The following TBC1D4 variants were observed in gnomAD, a reference collection of about 807,000 sequenced individuals.
TBC1D4 encodes the protein TBC1 domain family member 4, also known as TBC (Tre-2, BUB2, CDC16) domain-containing protein.
In TBC1D4, 121 loss-of-function variants were observed where a neutral mutation model predicts 142.5. That is an observed-to-expected ratio of 0.85 (90% CI 0.73 to 0.99). The LOEUF is 0.99. TBC1D4 is among the 50% of genes least tolerant of loss of function. The pLI is 0.00. For synonymous variants in TBC1D4, 630 were observed against 628.2 expected, an observed-to-expected ratio of 1.00 and a Z score of -0.04; for missense variants, 1,475 against 1,606.6, an observed-to-expected ratio of 0.92 and a Z score of 1.40.
rs866481287 is a variant in TBC1D4 at position 75,299,355 on chromosome 13, T to C, written c.3131A>G (p.Tyr1044Cys). The change falls in exon 17 of 21, where the codon TAC becomes TGC. Residue 1044 changes from tyrosine to cysteine, a missense_variant. Tyr to Cys is a radical substitution (Grantham distance 194). Coordinates refer to ENST00000377636, the MANE Select transcript of TBC1D4 (RefSeq NM_014832.5). ...CTGCAGCGACATCATGTCAGGTCTG[T>C]ACTGCTTGCGGAAGCCGAGGTCATA... ...LMYDLGFRKQ[Y>C]RPDMMSLQIQ... 3.1e-6 allele frequency: 5 copies of C among 1,614,182 alleles called. No individual in the cohort carries two copies. The Middle Eastern group carries it at 5.0e-4, about 160-fold the overall frequency.
At chr13:75,458,481 C>T (rs552760826) in intron 1 of TBC1D4, among the ~76,000 whole-genome samples, 12 of 152,196 alleles carry the variant, frequency 7.9e-5, no homozygotes, top group Non-Finnish European at 1.2e-4. Flanking sequence ...AACATGTGGG[C>T]GCAAAAACAG....
chr13:75,385,453 T>C (rs183395183), intron 1 of TBC1D4, among the ~76,000 whole-genome samples: 1 of 152,308 alleles, frequency 6.6e-6, no homozygotes, highest in East Asian at 1.9e-4. Context: ...CCTAGAGTGT[T>C]TTCATATGAG....
chr13:75,295,949 G>A (rs139612223), intron 17 of TBC1D4, among the ~76,000 whole-genome samples: 45 of 152,096 alleles, frequency 3.0e-4, no homozygotes, highest in Admixed American at 9.2e-4. Flanking sequence ...CTCTTAAATA[G>A]CTCTATGACA....
intron 1 of TBC1D4, among the ~76,000 whole-genome samples, chr13:75,460,009 G>A (rs1434604703): frequency 1.3e-5 from 2 of 152,082 alleles, no homozygotes; most frequent in Admixed American, 1.3e-4. Context: ...TGGGTGTGGT[G>A]GCAGGCAACT....
At chr13:75,307,748 A>T (rs1047980874) in intron 14 of TBC1D4, among the ~76,000 whole-genome samples, 1 of 152,246 alleles carries the variant, frequency 6.6e-6, no homozygotes, top group African/African-American at 2.4e-5. Context: ...TTAAAAGTCC[A>T]AACATAATCT....
At position 75,327,841 on chromosome 13, in the gene TBC1D4, T is replaced by A; in HGVS notation, c.1732-15A>T. On this transcript the variant is annotated splice_polypyrimidine_tract_variant and intron_variant, in intron 8 of 20. Transcript: ENST00000377636. ...CTGTTAGCTCCCTGAGTGAAAAGAA[T>A]AAAATTAAGTGCTTCGTGTGATTTA... 1 of 1,613,530 alleles carries A rather than the reference T, an allele frequency of 6.2e-7. No individual in the cohort carries two copies. The highest frequency in any genetic ancestry group is 1.7e-4 in the Middle Eastern group (1 of 6,056).
In TBC1D4 at chr13:75,481,531, G is replaced by T. The variant is rs1566523272; in HGVS notation, c.237C>A (p.Ala79=). The part of the protein sequence containing the change: ...PEAGGCGAPA[A]REVILVLSAP... ...CGCTGAGCACCAGGATCACCTCTCG[G>T]GCCGCCGGCGCCCCGCAGCCGCCCG... The change falls in exon 1 of 21, where the codon GCC becomes GCA. Residue 79 remains alanine, a synonymous_variant. Coordinates refer to ENST00000377636, the MANE Select transcript of TBC1D4 (RefSeq NM_014832.5). The T allele has an allele frequency of 2.5e-6, 4 of 1,604,266 alleles. No homozygotes were observed. The highest frequency in any genetic ancestry group is 1.7e-5 in the Admixed American group (1 of 58,818).
intron 1 of TBC1D4, among the ~76,000 whole-genome samples, chr13:75,431,941 G>T (rs1338208023): frequency 2.0e-5 from 3 of 152,204 alleles, no homozygotes; most frequent in Non-Finnish European, 4.4e-5. Flanking sequence ...TAAGGGTTAA[G>T]AATGGACATT....
At chr13:75,382,139 T>C (rs1042776382) in intron 1 of TBC1D4, among the ~76,000 whole-genome samples, 1 of 152,144 alleles carries the variant, frequency 6.6e-6, no homozygotes, top group Non-Finnish European at 1.5e-5. Context: ...CTCCAGCCTC[T>C]CTCCTTCCCC....
At chr13:75,466,271 C>A (rs930764118) in intron 1 of TBC1D4, among the ~76,000 whole-genome samples, 4 of 152,178 alleles carry the variant, frequency 2.6e-5, no homozygotes, top group African/African-American at 9.7e-5. Flanking sequence ...TTAGTTACTT[C>A]TTTTAAGACC....
chr13:75,447,500 A>ATGTGTGTGTG (rs35775136), intron 1 of TBC1D4, among the ~76,000 whole-genome samples: 218 of 145,346 alleles, frequency 1.5e-3, no homozygotes, highest in Middle Eastern at 3.5e-3. Context: ...CATAGTGTGA[A>ATGTGTGTGTG]TGTGTGTGTG....
intron 9 of TBC1D4, among the ~76,000 whole-genome samples, chr13:75,327,526 C>T (rs1452771294): frequency 1.3e-5 from 2 of 152,176 alleles, no homozygotes; most frequent in Non-Finnish European, 2.9e-5. Flanking sequence ...CCAAAGCATA[C>T]TATCTCCAAA....
At position 75,362,864 on chromosome 13, in the gene TBC1D4, C is replaced by G. The variant is rs112854571; in HGVS notation, c.499-257G>C. Among the ~76,000 whole-genome samples the G allele has an allele frequency of 2.2e-3, 332 of 152,240 alleles. 4 individuals are homozygous for G. The highest frequency in any genetic ancestry group is 7.6e-3 in the African/African-American group (314 of 41,536). On this transcript the variant is annotated intron_variant, in intron 1 of 20. Coordinates refer to ENST00000377636, the MANE Select transcript of TBC1D4 (RefSeq NM_014832.5). This position sits in a 1 kb window ranked among gnomAD's most constrained non-coding sequence, Gnocchi z 4.2. Reference sequence around the variant, plus strand: ...TTAAATGAGTCTCCCAGAAACAAAACCATGAAACTATATAAGCCACTGCCA... The same window carrying G: ...TTAAATGAGTCTCCCAGAAACAAAAGCATGAAACTATATAAGCCACTGCCA...
intron 1 of TBC1D4, among the ~76,000 whole-genome samples, chr13:75,405,653 TTTTTG>T (rs1232687784): frequency 2.0e-5 from 3 of 152,238 alleles, no homozygotes; most frequent in Admixed American, 6.5e-5. Context: ...GTTATTTTTC[TTTTTG>T]TTTTAACTTT....
intron 1 of TBC1D4, 67 bp downstream of exon 1, chr13:75,481,203 C>CCCCCCCCCCCCCCCCCCCCCA: frequency 7.6e-7 from 1 of 1,321,602 alleles, no homozygotes; most frequent in Non-Finnish European, 1.0e-6. Flanking sequence ...GGTCCCCGCC[C>CCCCCCCCCCCCCCCCCCCCCA]CTCCCGCCCT....
chr13:75,447,964 C>T (rs1593896172), intron 1 of TBC1D4, among the ~76,000 whole-genome samples: 1 of 151,992 alleles, frequency 6.6e-6, no homozygotes, highest in South Asian at 2.1e-4. Flanking sequence ...TATAATTATT[C>T]CATTATATAT....
intron 1 of TBC1D4, among the ~76,000 whole-genome samples, chr13:75,407,996 C>A (rs757280154): frequency 2.6e-5 from 4 of 152,146 alleles, no homozygotes; most frequent in Non-Finnish European, 5.9e-5. Context: ...CATAGATTCA[C>A]CTTTTCAAAG....
chr13:75,471,944 T>C (rs1280776346), intron 1 of TBC1D4, among the ~76,000 whole-genome samples: 1 of 151,338 alleles, frequency 6.6e-6, no homozygotes, highest in South Asian at 2.1e-4. Context: ...TCATCTCTAC[T>C]AAAAATACAA....
intron 1 of TBC1D4, among the ~76,000 whole-genome samples, chr13:75,423,991 G>T (rs1255952128): frequency 6.6e-6 from 1 of 152,148 alleles, no homozygotes; most frequent in Non-Finnish European, 1.5e-5. Flanking sequence ...TTGACAGTTT[G>T]AAAAAATTAT....
Sources: allele counts gnomAD v4.1 joint callset (sites outside exome capture counted in the v4.1 genomes callset), GRCh38; gene constraint gnomAD v4.1.1; non-coding constraint Gnocchi (gnomAD v3.1); transcripts MANE v1.5; gene names NCBI Gene and HGNC (gene_info 2026-07-23, HGNC 2026-07-21).